TMEM232: variants seen among roughly 807,000 people sequenced by gnomAD.
TMEM232 encodes the protein transmembrane protein 232.
TMEM232 carries 80 observed loss-of-function variants against 78.8 expected under a neutral mutation model. The ratio of observed to expected loss-of-function variants is 1.01; its 90% CI spans 0.85 to 1.22. The LOEUF (loss-of-function observed/expected upper bound fraction) is 1.22. Ranked by LOEUF, TMEM232 falls within the 50% of genes most tolerant of loss-of-function variation. The pLI, the probability that TMEM232 is intolerant of heterozygous loss-of-function variation, is 0.00. For synonymous variants in TMEM232, 297 were observed against 254.3 expected (o/e 1.17, Z -1.60); for missense variants, 881 against 742.2 (o/e 1.19, Z -2.17).
At chr5:110,631,692 C>T (rs1001728861) in intron 5 of TMEM232, among the ~76,000 whole-genome samples, 2 of 152,132 alleles carry the variant, frequency 1.3e-5, no homozygotes, top group Non-Finnish European at 2.9e-5. Flanking sequence ...TTATGTGTAC[C>T]ACTACAGTGC....
At chr5:110,464,330 G>T (rs1392668248) in intron 12 of TMEM232, among the ~76,000 whole-genome samples, 1 of 152,096 alleles carries the variant, frequency 6.6e-6, no homozygotes, top group Non-Finnish European at 1.5e-5. Flanking sequence ...CTAGACAATA[G>T]CATCTTACTA....
intron 12 of TMEM232, among the ~76,000 whole-genome samples, chr5:110,479,834 C>A (rs1197122723): frequency 6.6e-6 from 1 of 151,774 alleles, no homozygotes; most frequent in South Asian, 2.1e-4. Flanking sequence ...ATCCCCAAAT[C>A]CAGTACATTT....
At chr5:110,499,852 C>T (rs961995628) in intron 12 of TMEM232, among the ~76,000 whole-genome samples, 1 of 151,982 alleles carries the variant, frequency 6.6e-6, no homozygotes, top group Non-Finnish European at 1.5e-5. Context: ...AAAATATAGT[C>T]AATATAGAGA....
At chr5:110,522,675 A>C (rs1484808860) in intron 12 of TMEM232, among the ~76,000 whole-genome samples, 2 of 152,050 alleles carry the variant, frequency 1.3e-5, no homozygotes, top group African/African-American at 2.4e-5. Flanking sequence ...ATTATTACGT[A>C]ATTTTTATTT....
rs1397887905 is a variant in TMEM232 at position 110,524,234 on chromosome 5, T to C, written c.1703+4354A>G. ...CTGAGATCCACCACTGCACTCCAGC[T>C]TGGGCGTCAGAACGAGACTCAGTCT... is the stretch of plus-strand genomic sequence containing the variant. On this transcript the variant is annotated intron_variant, in intron 12 of 13. Transcript: ENST00000455884. Among the ~76,000 whole-genome samples, 36 of 138,308 alleles carry C rather than the reference T, an allele frequency of 2.6e-4. 1 individual carries two copies. The Admixed American group carries it at 2.7e-3, about 10-fold the overall frequency. The allele number at this position is 138,308 out of a possible 152,430, so 90.7% of individuals were successfully genotyped here. A position where few individuals can be genotyped will look rare whatever the true frequency, so the allele number is the denominator to read the frequency against.
At chr5:110,446,422 G>GGAATA (rs1759654382) in intron 12 of TMEM232, among the ~76,000 whole-genome samples, 1 of 152,176 alleles carries the variant, frequency 6.6e-6, no homozygotes, top group Admixed American at 6.6e-5. Flanking sequence ...TGGACCTACT[G>GGAATA]GAATAGAATG....
At chr5:110,487,020 G>C (rs979991168) in intron 12 of TMEM232, among the ~76,000 whole-genome samples, 1 of 151,778 alleles carries the variant, frequency 6.6e-6, no homozygotes, top group African/African-American at 2.4e-5. Flanking sequence ...CCTTCTAGAG[G>C]TCTTTCACCT....
chr5:110,559,761 CA>C (rs1380430046), intron 11 of TMEM232, among the ~76,000 whole-genome samples: 5 of 152,132 alleles, frequency 3.3e-5, no homozygotes, highest in African/African-American at 1.2e-4. Flanking sequence ...AGAAGTTTAT[CA>C]TGTCACAGTT....
chr5:110,648,397 A>G (rs1787815636), intron 2 of TMEM232, among the ~76,000 whole-genome samples: 1 of 152,036 alleles, frequency 6.6e-6, no homozygotes. Context: ...CAATATCACA[A>G]CTTTATATAT....
intron 1 of TMEM232, among the ~76,000 whole-genome samples, chr5:110,707,646 A>C (rs1272743845): frequency 6.6e-6 from 1 of 152,360 alleles, no homozygotes; most frequent in East Asian, 1.9e-4. Flanking sequence ...CCAGTGGACT[A>C]GAGTGGCACC....
intron 11 of TMEM232, among the ~76,000 whole-genome samples, chr5:110,562,824 A>G (rs868625649): frequency 6.6e-6 from 1 of 151,952 alleles, no homozygotes; most frequent in South Asian, 2.1e-4. Context: ...TCTTAATATT[A>G]AATAAGGGAA....
Position 110,631,228 on chromosome 5 carries a change from C to G in TMEM232, c.502-3348G>C, listed in dbSNP as rs534309198. 1.1e-4 allele frequency among the ~76,000 whole-genome samples: 17 copies of G among 152,290 alleles called. No individual in the cohort carries two copies. The East Asian group carries it at 3.1e-3, about 28-fold the overall frequency. On this transcript the variant is annotated intron_variant, in intron 5 of 13. Coordinates refer to ENST00000455884, the MANE Select transcript of TMEM232 (RefSeq NM_001039763.4). ...GAAAAGAGATGGTGCAGCGCATTAA[C>G]ATGGCAGTCCCTGGGACAAAGGAAA... is the stretch of plus-strand genomic sequence containing the variant.
intron 3 of TMEM232, among the ~76,000 whole-genome samples, chr5:110,393,991 T>G (rs1159194032): frequency 6.6e-6 from 1 of 151,672 alleles, no homozygotes; most frequent in Non-Finnish European, 1.5e-5. Context: ...AATAAATTAT[T>G]GTTGACTGTA....
chr5:110,646,989 A>AC (rs957937209), intron 2 of TMEM232, among the ~76,000 whole-genome samples: 19 of 151,674 alleles, frequency 1.3e-4, no homozygotes, highest in African/African-American at 2.7e-4. Flanking sequence ...AATTATCAGA[A>AC]TTTAAAAAAA....
intron 12 of TMEM232, among the ~76,000 whole-genome samples, chr5:110,477,361 C>T (rs964235331): frequency 6.6e-6 from 1 of 151,820 alleles, no homozygotes; most frequent in Non-Finnish European, 1.5e-5. Flanking sequence ...ATATCAACTA[C>T]TATTCATCAA....
At chr5:110,469,160 T>C (rs1328957663) in intron 12 of TMEM232, among the ~76,000 whole-genome samples, 1 of 151,890 alleles carries the variant, frequency 6.6e-6, no homozygotes, top group Non-Finnish European at 1.5e-5. Context: ...GCTTCCCCCA[T>C]AGAAACAAAC....
Position 110,420,498 on chromosome 5 carries a change from A to G in TMEM232, c.*82T>C, listed in dbSNP as rs1348226665. 12 of 834,612 alleles carry G rather than the reference A, an allele frequency of 1.4e-5. No individual in the cohort carries two copies. Among genetic ancestry groups the G allele is most frequent in the Non-Finnish European group, 1.9e-5 (11 of 587,410 alleles). The allele number at this position is 834,612 out of a possible 1,614,324, so 51.7% of individuals were successfully genotyped here. On this transcript the variant is annotated 3_prime_UTR_variant, in exon 14 of 14. Coordinates refer to ENST00000455884, the MANE Select transcript of TMEM232 (RefSeq NM_001039763.4). ...TTAATGACAAGAAAGTTCTCTTACTATGTAGCTATCTTGGTATTTTTCATC... is the reference window on the plus strand; with the variant it reads ...TTAATGACAAGAAAGTTCTCTTACTGTGTAGCTATCTTGGTATTTTTCATC...
chr5:110,402,638 A>G (rs1051398384), intron 2 of TMEM232, among the ~76,000 whole-genome samples: 3 of 152,100 alleles, frequency 2.0e-5, no homozygotes, highest in African/African-American at 7.2e-5. Flanking sequence ...AGCTTAGGGA[A>G]ATTGGATTGC....
chr5:110,712,019 G>A (rs546661645), intron 1 of TMEM232, among the ~76,000 whole-genome samples: 6 of 150,406 alleles, frequency 4.0e-5, no homozygotes, highest in South Asian at 2.1e-4. Flanking sequence ...GGAGAATGGC[G>A]TGAACCCGGG....
Sources: gnomAD v4.1 joint callset for allele counts (sites outside exome capture counted in the v4.1 genomes callset) on GRCh38, gnomAD v4.1.1 for gene constraint, MANE v1.5 for transcripts, NCBI Gene and HGNC (gene_info 2026-07-23, HGNC 2026-07-21) for gene names.